Variants in PDE4DIP observed in about 807,000 individuals in gnomAD.
The protein encoded by PDE4DIP is myomegalin.
Under a neutral mutation model 221.4 loss-of-function variants are expected in PDE4DIP, and 59 were observed. That is an observed-to-expected ratio of 0.27 (90% CI 0.22 to 0.33). The LOEUF (loss-of-function observed/expected upper bound fraction) is 0.33, where lower values mean the gene tolerates loss of function less well. Among genes scored for constraint, PDE4DIP ranks in the 10% least tolerant of loss-of-function variants. The pLI is 1.00. For synonymous variants in PDE4DIP, 404 were observed against 815.9 expected, an observed-to-expected ratio of 0.50 and a Z score of 8.60; for missense variants, 1,036 against 2,154.2, an observed-to-expected ratio of 0.48 and a Z score of 10.28.
chr1:148,859,763 G>A (rs1198557873), intron 1 of PDE4DIP, among the ~76,000 whole-genome samples: 44 of 138,452 alleles, frequency 3.2e-4, no homozygotes, highest in African/African-American at 1.1e-3. Flanking sequence ...TGGGTAATAC[G>A]AAAGAATGTA....
In PDE4DIP at chr1:148,947,038, C is replaced by A. The variant is rs1265319863; in HGVS notation, c.636+9174C>A. On this transcript the variant is annotated intron_variant, in intron 5 of 43. Coordinates refer to ENST00000369354, the Ensembl canonical transcript of PDE4DIP. ...CCATTTAGTTTACCAGTCAATTGTTCTAACTGTAGCGTGCACCTTTTCTCC... is the reference window on the plus strand; with the variant it reads ...CCATTTAGTTTACCAGTCAATTGTTATAACTGTAGCGTGCACCTTTTCTCC... Among the ~76,000 whole-genome samples the A allele has an allele frequency of 3.9e-5, 6 of 152,414 alleles. No homozygotes were observed. In the South Asian group the frequency reaches 8.3e-4, roughly 21 times the overall value.
chr1:148,865,170 C>T (rs1463776650), intron 2 of PDE4DIP, among the ~76,000 whole-genome samples: 3 of 138,456 alleles, frequency 2.2e-5, no homozygotes, highest in Non-Finnish European at 4.7e-5. Context: ...CTCACTGCAA[C>T]CTCCGCCTCC....
chr1:148,824,464 C>T lies in PDE4DIP; in HGVS notation c.233+15727C>T, dbSNP rs1670156468. Reference sequence around the variant, plus strand: ...GCAACATTCCATCACTGCTGCCCTACTGTATTCATTACAAATGAGTACTAG... The same window carrying T: ...GCAACATTCCATCACTGCTGCCCTATTGTATTCATTACAAATGAGTACTAG... On this transcript the variant is annotated intron_variant, in intron 1 of 45. Transcript: ENST00000524974. Among the ~76,000 whole-genome samples the T allele has an allele frequency of 2.7e-5, 3 of 109,512 alleles. No individual in the cohort carries two copies. The South Asian group carries it at 9.8e-4, about 36-fold the overall frequency. The allele number at this position is 109,512 out of a possible 152,430, so 71.8% of individuals were successfully genotyped here. A position where few individuals can be genotyped will look rare whatever the true frequency, so the allele number is the denominator to read the frequency against.
intron 1 of PDE4DIP, among the ~76,000 whole-genome samples, chr1:148,919,285 A>C (rs1158990075): frequency 1.3e-5 from 2 of 151,544 alleles, no homozygotes; most frequent in Admixed American, 6.6e-5. Flanking sequence ...ATGGGCAAGA[A>C]GGAGAGGCTG....
intron 5 of PDE4DIP, among the ~76,000 whole-genome samples, chr1:148,960,167 C>A (rs370807680): frequency 0.017 from 2,623 of 151,314 alleles, no homozygotes; most frequent in African/African-American, 0.059. Context: ...AATACTGTTA[C>A]CTAATATATA....
intron 43 of PDE4DIP, chr1:149,030,737 C>T (rs2076501626): frequency 1.0e-6 from 1 of 985,252 alleles, no homozygotes; most frequent in Non-Finnish European, 1.2e-6. Context: ...GGGTTAAGAA[C>T]AGCAATTTGA....
intron 5 of PDE4DIP, among the ~76,000 whole-genome samples, chr1:148,944,571 T>C (rs1463921974): frequency 7.2e-6 from 1 of 139,202 alleles, no homozygotes; most frequent in African/African-American, 2.7e-5. Flanking sequence ...CTCTTGTTAC[T>C]TAAGATATGA....
intron 5 of PDE4DIP, chr1:148,939,873 C>T (rs2050142064): frequency 6.6e-6 from 1 of 151,848 alleles, no homozygotes; most frequent in South Asian, 2.1e-4. Context: ...TCTCAGCTTC[C>T]ATATACATAA....
Position 148,923,753 on chromosome 1 carries a change from G to A in PDE4DIP, c.142-5444G>A, listed in dbSNP as rs1233907120. Among the ~76,000 whole-genome samples the A allele has an allele frequency of 2.7e-5, 4 of 146,226 alleles. 1 individual carries two copies. Among genetic ancestry groups the A allele is most frequent in the African/African-American group, 1.0e-4 (4 of 38,124 alleles). On this transcript the variant is annotated intron_variant, in intron 1 of 43. Transcript: ENST00000369354. ...CTCCCAAAGTTCTGGGATTACAGGC[G>A]TGAGCCACCGCGCCCGAGCTGCGGT...
chr1:148,827,244 CTTTTTT>C (rs67632049), intron 1 of PDE4DIP, among the ~76,000 whole-genome samples: 243 of 33,676 alleles, frequency 7.2e-3, no homozygotes, highest in Non-Finnish European at 0.01. Flanking sequence ...GTGTTATATT[CTTTTTT>C]TTTTTTTTTT....
intron 1 of PDE4DIP, among the ~76,000 whole-genome samples, chr1:148,821,280 G>A (rs1462274093): frequency 1.4e-5 from 2 of 147,102 alleles, no homozygotes; most frequent in African/African-American, 2.6e-5. Context: ...GTCTTCAACT[G>A]TTCCTTTGAT....
intron 1 of PDE4DIP, among the ~76,000 whole-genome samples, chr1:148,920,101 AT>A (rs1553461171): frequency 6.8e-6 from 1 of 147,316 alleles, no homozygotes; most frequent in Non-Finnish European, 1.5e-5. Context: ...TGCTGTCAAG[AT>A]TTTTTAAAAA....
At chr1:148,846,494 C>T (rs2985360) in intron 1 of PDE4DIP, among the ~76,000 whole-genome samples, 1 of 58,566 alleles carries the variant, frequency 1.7e-5, no homozygotes, top group African/African-American at 8.0e-5. Flanking sequence ...AGGTGGCTCA[C>T]GCCTGTAATT....
chr1:149,023,376 C>A (rs587725249), intron 37 of PDE4DIP, among the ~76,000 whole-genome samples: 2 of 150,926 alleles, frequency 1.3e-5, no homozygotes, highest in Non-Finnish European at 3.0e-5. Context: ...GATATATGCA[C>A]CCTGTTGCCT....
intron 23 of PDE4DIP, among the ~76,000 whole-genome samples, chr1:149,000,309 C>T (rs140734642): frequency 6.6e-6 from 1 of 152,208 alleles, no homozygotes; most frequent in Non-Finnish European, 1.5e-5. Context: ...AATCTCAACA[C>T]TTTGGGAGGC....
chr1:148,997,515 T>A (rs1391942543), intron 22 of PDE4DIP, among the ~76,000 whole-genome samples: 1 of 152,218 alleles, frequency 6.6e-6, no homozygotes, highest in African/African-American at 2.4e-5. Context: ...TTCACCTCCA[T>A]CTCCCAGTAG....
At chr1:148,836,217 G>A (rs2211520) in intron 1 of PDE4DIP, among the ~76,000 whole-genome samples, 13 of 152,080 alleles carry the variant, frequency 8.5e-5, no homozygotes, top group Non-Finnish European at 1.2e-4. Context: ...CTCTATGGGC[G>A]TAGGACCCCC....
At chr1:148,889,229 A>G (rs1252375340), upstream of PDE4DIP, among the ~76,000 whole-genome samples, 1 of 150,870 alleles carries the variant, frequency 6.6e-6, no homozygotes, top group African/African-American at 2.4e-5. Context: ...TTCTGGCCAC[A>G]CTCCTTTTGG....
rs369655557 is a variant in PDE4DIP, at chr1:148,980,644, A to T, written c.2688-626A>T. Among the ~76,000 whole-genome samples the T allele has an allele frequency of 2.6e-3, 398 of 151,110 alleles. 2 individuals carry two copies. Among genetic ancestry groups the T allele is most frequent in the Non-Finnish European group, 4.7e-3 (316 of 67,756 alleles). On this transcript the variant is annotated intron_variant, in intron 20 of 43. Coordinates refer to ENST00000369354, the Ensembl canonical transcript of PDE4DIP. ...CCCCTTTTATTCTTTTTCAATTTTT[A>T]TTATTATTATTATTTTTGCTATTCA...
Sources: gnomAD v4.1 joint callset for allele counts (sites outside exome capture counted in the v4.1 genomes callset) on GRCh38, gnomAD v4.1.1 for gene constraint, MANE v1.5 for transcripts, NCBI Gene and HGNC (gene_info 2026-07-23, HGNC 2026-07-21) for gene names.